CFAP70: variants seen among roughly 807,000 people sequenced by gnomAD.
The protein encoded by CFAP70 is cilia and flagella associated protein 70.
A neutral mutation model predicts 137.6 loss-of-function variants in CFAP70; 81 were observed. The observed-to-expected ratio is 0.59, with a 90% CI of 0.49 to 0.71. CFAP70 has a LOEUF of 0.71. Ranked by LOEUF, CFAP70 falls within the 30% of genes least tolerant of loss-of-function variation. The probability of loss-of-function intolerance (pLI) is 0.00; values close to 1 mark genes in which losing one functional copy is unlikely to be tolerated. For missense variants in CFAP70, 976 were observed against 1,226.7 expected, an observed-to-expected ratio of 0.80 and a Z score of 3.05; for synonymous variants, 382 against 423.6, an observed-to-expected ratio of 0.90 and a Z score of 1.20.
chr10:73,294,906 G>T (rs2048420691), intron 15 of CFAP70: 1 of 152,226 alleles, frequency 6.6e-6, no homozygotes, highest in Admixed American at 6.5e-5. Flanking sequence ...CCTTTCCCAG[G>T]TGTATACCCT....
At chr10:73,353,484 G>T in intron 3 of CFAP70, 72 bp downstream of exon 3, 3 of 1,336,568 alleles carry the variant, frequency 2.2e-6, no homozygotes, top group Non-Finnish European at 3.1e-6. Flanking sequence ...TGTTTTGGTT[G>T]TGCTTTTCCC....
chr10:73,316,501 T>TATAG (rs2050391225), intron 9 of CFAP70, among the ~76,000 whole-genome samples: 1 of 138,114 alleles, frequency 7.2e-6, no homozygotes, highest in African/African-American at 2.8e-5. Flanking sequence ...TATATATATA[T>TATAG]ATATATATAT....
At chr10:73,341,607 G>A in intron 5 of CFAP70, 26 bp from the exon 7 acceptor site, 1 of 1,588,758 alleles carries the variant, frequency 6.3e-7, no homozygotes, top group Non-Finnish European at 8.6e-7. Flanking sequence ...CCATATGTCA[G>A]GAAAATTTGT....
chr10:73,272,020 A>G (rs5011505), intron 24 of CFAP70, among the ~76,000 whole-genome samples: 16,035 of 152,096 alleles, frequency 0.11, 1,214 homozygotes, highest in East Asian at 0.31. Flanking sequence ...TAAAGTTTCT[A>G]TAATGAACAC....
At chr10:73,265,035 A>G (rs998354261) in intron 25 of CFAP70, among the ~76,000 whole-genome samples, 2 of 152,188 alleles carry the variant, frequency 1.3e-5, no homozygotes, top group Admixed American at 1.3e-4. Flanking sequence ...TGCACTAAAG[A>G]AGAGATTCGG....
In CFAP70 at chr10:73,275,642, T is replaced by A; in HGVS notation, c.2521-44A>T. 2.1e-6 allele frequency: 3 copies of A among 1,453,170 alleles called. No homozygotes were observed. The highest frequency in any genetic ancestry group is 1.5e-5 in the South Asian group (1 of 66,390). The allele number at this position is 1,453,170 out of a possible 1,614,324, so 90.0% of individuals were successfully genotyped here. On this transcript the variant is annotated intron_variant, in intron 21 of 26. Transcript: ENST00000310715. This position sits in a 1 kb window ranked among gnomAD's most constrained non-coding sequence, Gnocchi z 4.0. Reference sequence around the variant, plus strand: ...TATAAGCAACATATAAATGGCTGCATTGCGTCTTTTTCGGTTGAAGGATTC... The same window carrying A: ...TATAAGCAACATATAAATGGCTGCAATGCGTCTTTTTCGGTTGAAGGATTC...
At chr10:73,336,580 CTTTTTTTTT>C (rs58611619) in intron 6 of CFAP70, among the ~76,000 whole-genome samples, 5 of 124,244 alleles carry the variant, frequency 4.0e-5, no homozygotes, top group African/African-American at 1.6e-4. Context: ...TACTATTTTC[CTTTTTTTTT>C]TTTTTTTTTT....
chr10:73,268,992 T>C (rs536453537), intron 25 of CFAP70, among the ~76,000 whole-genome samples: 3 of 152,214 alleles, frequency 2.0e-5, no homozygotes, highest in African/African-American at 7.2e-5. Flanking sequence ...CAGCCAGACC[T>C]CAGGTATTTT....
At chr10:73,349,943 CCA>C (rs2054059105) in intron 3 of CFAP70, among the ~76,000 whole-genome samples, 1 of 152,154 alleles carries the variant, frequency 6.6e-6, no homozygotes. Flanking sequence ...TCCTAGAAAA[CCA>C]CAATCAGTTT....
intron 12 of CFAP70, among the ~76,000 whole-genome samples, chr10:73,309,209 G>A (rs1042228768): frequency 6.6e-6 from 1 of 152,180 alleles, no homozygotes; most frequent in Non-Finnish European, 1.5e-5. Context: ...GGGATAAAAA[G>A]GAGTATTAGA....
chr10:73,353,787 AATTTTCCCAC>A, intron 2 of CFAP70, 45 bp from the exon 3 acceptor site: 1 of 1,581,240 alleles, frequency 6.3e-7, no homozygotes, highest in Non-Finnish European at 8.6e-7. Context: ...TCAAATAGAG[AATTTTCCCAC>A]ACATCTGGTA....
chr10:73,319,153 T>G (rs2050647339), intron 9 of CFAP70, among the ~76,000 whole-genome samples: 1 of 152,228 alleles, frequency 6.6e-6, no homozygotes, highest in South Asian at 2.1e-4. Flanking sequence ...GATGTTTGCT[T>G]TATAGAAACT....
chr10:73,354,079 G>T (rs922976250), intron 2 of CFAP70, among the ~76,000 whole-genome samples: 3 of 152,166 alleles, frequency 2.0e-5, no homozygotes, highest in African/African-American at 7.2e-5. Flanking sequence ...GAGTGCAGTG[G>T]CGCGATCTCA....
chr10:73,331,338 T>C (rs2052056667), intron 7 of CFAP70, 62 bp from the exon 9 acceptor site: 4 of 1,372,410 alleles, frequency 2.9e-6, no homozygotes, highest in Admixed American at 2.0e-5. Flanking sequence ...ATAATTTAGG[T>C]TAAAGGGAAA....
intron 19 of CFAP70, among the ~76,000 whole-genome samples, chr10:73,281,247 C>A (rs2047233168): frequency 6.6e-6 from 1 of 151,978 alleles, no homozygotes; most frequent in Admixed American, 6.6e-5. Flanking sequence ...TGCAGTGGCA[C>A]AATCATGGCT....
exon 21 of CFAP70, chr10:73,277,309 A>G: frequency 6.2e-7 from 1 of 1,614,156 alleles, no homozygotes. Context: ...GAGAAACACC[A>G]TAATGAAGGC....
chr10:73,348,370 C>A (rs756139009), intron 4 of CFAP70, 53 bp downstream of exon 4: 14 of 1,569,160 alleles, frequency 8.9e-6, no homozygotes, highest in Non-Finnish European at 1.2e-5. Context: ...CTCTCTGGGG[C>A]TAAGTTTTAT....
chr10:73,345,208 GC>G, intron 4 of CFAP70: 1 of 1,614,080 alleles, frequency 6.2e-7, no homozygotes. Flanking sequence ...GTCAGTAAAG[GC>G]TCTGCCACTA....
intron 19 of CFAP70, among the ~76,000 whole-genome samples, chr10:73,287,733 C>A (rs959653103): frequency 2.6e-5 from 4 of 151,914 alleles, no homozygotes; most frequent in Admixed American, 2.6e-4. Flanking sequence ...AAGGAACATC[C>A]CAGGAGAAGA....
Sources: allele counts gnomAD v4.1 joint callset (sites outside exome capture counted in the v4.1 genomes callset), GRCh38; gene constraint gnomAD v4.1.1; non-coding constraint Gnocchi (gnomAD v3.1); transcripts MANE v1.5; gene names NCBI Gene and HGNC (gene_info 2026-07-23, HGNC 2026-07-21).